The following ZC3HC1 variants were observed in gnomAD, a reference collection of about 807,000 sequenced individuals.
The protein encoded by ZC3HC1 is zinc finger C3HC-type containing 1, also known as zinc finger C3HC-type protein 1.
A neutral mutation model predicts 61.9 loss-of-function variants in ZC3HC1; 38 were observed. The observed-to-expected ratio is 0.61, with a 90% confidence interval of 0.47 to 0.81. The LOEUF is 0.81. ZC3HC1 is among the 30% of genes least tolerant of loss of function. The probability of loss-of-function intolerance (pLI) is 0.00; values close to 1 mark genes in which losing one functional copy is unlikely to be tolerated. For synonymous variants in ZC3HC1, 213 were observed against 229.9 expected (o/e 0.93, Z 0.67); for missense variants, 554 against 622.7 (o/e 0.89, Z 1.17).
Position 130,028,941 on chromosome 7 carries a change from G to C in ZC3HC1, c.582C>G (p.Leu194=), listed in dbSNP as rs780212112. The C allele has an allele frequency of 5.6e-6, 9 of 1,613,702 alleles. No homozygotes were observed. Among genetic ancestry groups the C allele is most frequent in the African/African-American group, 1.3e-5 (1 of 74,916 alleles). ...DRFQSLCHLD[L]QLPSLRPEDL... ...CCTCCGGCCTTAGGGAAGGAAGCTG[G>C]AGGTCCAAGTGACAAAGGCTTTGAA... The change falls in exon 5 of 10, where the codon CTC becomes CTG. Residue 194 remains leucine, a synonymous_variant. Coordinates refer to ENST00000358303, the MANE Select transcript of ZC3HC1 (RefSeq NM_016478.5).
rs2116630702 is a variant in ZC3HC1 at position 130,018,607 on chromosome 7, A to G, written c.*57T>C. ...AGCTGACCGAAAGGAACTCAGCCTTAATTTTTCAAAAAGTCACTCTCATTC... is the reference window on the plus strand; with the variant it reads ...AGCTGACCGAAAGGAACTCAGCCTTGATTTTTCAAAAAGTCACTCTCATTC... On this transcript the variant is annotated 3_prime_UTR_variant, in exon 10 of 10. Transcript: ENST00000358303. 2.7e-6 allele frequency: 4 copies of G among 1,504,770 alleles called. No individual in the cohort carries two copies. In the East Asian group the frequency reaches 6.9e-5, roughly 26 times the overall value. 93.2% of individuals were successfully genotyped at this position (1,504,770 alleles called of 1,614,324 possible).
rs150600534 is a variant in ZC3HC1, at chr7:130,051,327, C to A, written c.40G>T (p.Val14Phe). 3 of 1,613,238 alleles carry A rather than the reference C, an allele frequency of 1.9e-6. No homozygotes were observed. Among genetic ancestry groups the A allele is most frequent in the Middle Eastern group, 1.6e-4 (1 of 6,080 alleles). Reference protein sequence around the residue: ...PCEGQAFAVGVEKNWGAVVRS... With the variant: ...PCEGQAFAVGFEKNWGAVVRS... ...ACTACTGCACCCCAATTCTTTTCAA[C>A]CCCTACGGCAAACGCTTGTCCCTCA... The change falls in exon 1 of 10, where the codon GTT becomes TTT. Residue 14 changes from valine (V) to phenylalanine (F), a missense_variant. Physicochemically the swap from Val to Phe is conservative, Grantham distance 50. Transcript: ENST00000358303.
At chr7:130,040,871 G>T in intron 3 of ZC3HC1, 80 bp downstream of exon 3, 18 of 1,314,818 alleles carry the variant, frequency 1.4e-5, no homozygotes, top group Non-Finnish European at 1.5e-5. Flanking sequence ...AAACTAAAAT[G>T]ACCTTTTTTC....
chr7:130,048,147 T>G (rs372077738), intron 2 of ZC3HC1, among the ~76,000 whole-genome samples: 8 of 141,986 alleles, frequency 5.6e-5, no homozygotes, highest in African/African-American at 1.6e-4. Flanking sequence ...CTAGTTGTTT[T>G]TTTTTTTTTT....
chr7:130,036,982 G>T (rs1163721322), intron 4 of ZC3HC1: 1 of 152,198 alleles, frequency 6.6e-6, no homozygotes, highest in African/African-American at 2.4e-5. Context: ...ATATTAAGTG[G>T]AAATGTTTAG....
chr7:130,025,120 G>A, intron 6 of ZC3HC1, among the ~76,000 whole-genome samples: 1 of 148,042 alleles, frequency 6.8e-6, no homozygotes, highest in Non-Finnish European at 1.5e-5. Context: ...TGGCCAGGCT[G>A]GTCTCGAATT....
chr7:130,050,293 G>C, intron 1 of ZC3HC1: 2 of 774,928 alleles, frequency 2.6e-6, no homozygotes, highest in Non-Finnish European at 3.9e-6. Flanking sequence ...TAGCCAGGAT[G>C]GTCTTGATCT....
chr7:130,029,012 G>C lies in ZC3HC1; in HGVS notation c.511C>G (p.Pro171Ala). Residue 171 changes from proline (P) to alanine (A), a missense_variant, in exon 5 of 10, where the codon CCC becomes GCC. Transcript: ENST00000358303. Reference protein sequence around the residue: ...SPSPDRFGMLPLDEPAILVSE... With the variant: ...SPSPDRFGMLALDEPAILVSE... ...ACAAGAATAGCAGGCTCATCCAGGG[G>C]CAACATCCCAAATCGGTCTGTGGAA... 1 of 1,613,174 alleles carries C rather than the reference G, an allele frequency of 6.2e-7. No homozygotes were observed. The highest frequency in any genetic ancestry group is 2.2e-5 in the East Asian group (1 of 44,814).
chr7:130,030,842 A>G (rs13308732), intron 4 of ZC3HC1, among the ~76,000 whole-genome samples: 3 of 150,274 alleles, frequency 2.0e-5, no homozygotes, highest in East Asian at 2.0e-4. Flanking sequence ...CTAATTTTTT[A>G]TATTTTTAGT....
chr7:130,038,897 G>A (rs1480436962), intron 4 of ZC3HC1, among the ~76,000 whole-genome samples: 1 of 151,420 alleles, frequency 6.6e-6, no homozygotes, highest in Non-Finnish European at 1.5e-5. Flanking sequence ...AACTGGGTTG[G>A]TAGTATCTAC....
At position 130,050,460 on chromosome 7, in the gene ZC3HC1, T is replaced by C. The variant is rs1462840168; in HGVS notation, c.146+761A>G. On this transcript the variant is annotated intron_variant, in intron 1 of 9. Transcript: ENST00000358303. Reference sequence around the variant, plus strand: ...AAACTTACTCTAAGACTCTCAGAGATTCATAGAGAGCCTCAAGCGGGTGTG... The same window carrying C: ...AAACTTACTCTAAGACTCTCAGAGACTCATAGAGAGCCTCAAGCGGGTGTG... 3.3e-6 allele frequency: 5 copies of C among 1,524,924 alleles called. No homozygotes were observed. The East Asian group carries it at 1.2e-4, about 38-fold the overall frequency. 94.5% of individuals were successfully genotyped at this position (1,524,924 alleles called of 1,614,324 possible). A position where few individuals can be genotyped will look rare whatever the true frequency, so the allele number is the denominator to read the frequency against.
In ZC3HC1 at chr7:130,051,261, TCAG is replaced by T; in HGVS notation, c.103_105del (p.Leu35del). 6.2e-7 allele frequency: 1 copy of T among 1,612,034 alleles called. No homozygotes were observed. The highest frequency in any genetic ancestry group is 8.5e-7 in the Non-Finnish European group (1 of 1,179,060). Reference sequence around the variant, plus strand: ...TCTTCCGGGGCAATCCCCTCATCTATCAGCTGCCGGATTTTCTGGGGGGTCCCT... The same window carrying T: ...TCTTCCGGGGCAATCCCCTCATCTATCTGCCGGATTTTCTGGGGGGTCCCT... On this transcript the variant is annotated inframe_deletion, in exon 1 of 10. Transcript: ENST00000358303.
At chr7:130,046,125 G>A (rs1368162623) in intron 2 of ZC3HC1, among the ~76,000 whole-genome samples, 1 of 152,012 alleles carries the variant, frequency 6.6e-6, no homozygotes, top group Non-Finnish European at 1.5e-5. Context: ...TGAGGGGAAC[G>A]ACATACACTG....
intron 4 of ZC3HC1, among the ~76,000 whole-genome samples, chr7:130,031,185 C>T (rs1398244179): frequency 6.6e-6 from 1 of 151,648 alleles, no homozygotes. Flanking sequence ...CAAAATTAGC[C>T]AGGCATGGTG....
chr7:130,027,401 C>G (rs1193264278), intron 5 of ZC3HC1: 1 of 152,214 alleles, frequency 6.6e-6, no homozygotes, highest in African/African-American at 2.4e-5. Context: ...AAAACCCATA[C>G]CACTCTCTTA....
At position 130,022,644 on chromosome 7, in the gene ZC3HC1, C is replaced by T. The variant is rs533549731; in HGVS notation, c.1234-119G>A. 4.1e-4 allele frequency: 445 copies of T among 1,074,160 alleles called. 8 individuals are homozygous for T. The East Asian group carries it at 0.011, about 27-fold the overall frequency. The allele number at this position is 1,074,160 out of a possible 1,614,324, so 66.5% of individuals were successfully genotyped here. A position where few individuals can be genotyped will look rare whatever the true frequency, so the allele number is the denominator to read the frequency against. ...ACTACCCATACTTCGAGTGTTTATG[C>T]TCTCCTTCAAACTTTGCCTACACAT... On this transcript the variant is annotated intron_variant, in intron 8 of 9. Transcript: ENST00000358303.
intron 1 of ZC3HC1, among the ~76,000 whole-genome samples, chr7:130,049,892 C>T (rs1316937245): frequency 6.7e-6 from 1 of 148,516 alleles, no homozygotes; most frequent in Non-Finnish European, 1.5e-5. Flanking sequence ...TTTGATATTT[C>T]TACCTGGAGG....
intron 9 of ZC3HC1, 85 bp downstream of exon 9, chr7:130,022,234 G>A (rs376559479): frequency 2.1e-5 from 32 of 1,521,162 alleles, no homozygotes; most frequent in Middle Eastern, 2.0e-4. Flanking sequence ...GAAGGCAGGC[G>A]GGGTGCTAAT....
At chr7:130,029,134 G>A (rs901147053) in intron 4 of ZC3HC1, 105 bp from the exon 5 acceptor site, 36 of 1,286,652 alleles carry the variant, frequency 2.8e-5, no homozygotes, top group Non-Finnish European at 3.5e-5. Flanking sequence ...ACTTTGGAAG[G>A]CCGAGGCGGG....
Sources: allele counts gnomAD v4.1 joint callset (sites outside exome capture counted in the v4.1 genomes callset), GRCh38; gene constraint gnomAD v4.1.1; transcripts MANE v1.5; gene names NCBI Gene and HGNC (gene_info 2026-07-23, HGNC 2026-07-21).